Variants in CABLES1 observed in about 807,000 individuals in gnomAD.
CABLES1 encodes the protein Cdk5 and Abl enzyme substrate 1.
CABLES1 carries 36 observed loss-of-function variants against 57.8 expected under a neutral mutation model. The ratio of observed to expected loss-of-function variants is 0.62; its 90% CI spans 0.48 to 0.82. The LOEUF (loss-of-function observed/expected upper bound fraction) is 0.82, where lower values mean the gene tolerates loss of function less well. CABLES1 is among the 40% of genes least tolerant of loss of function. The probability of loss-of-function intolerance (pLI) is 0.00; values close to 1 mark genes in which losing one functional copy is unlikely to be tolerated. For synonymous variants in CABLES1, 374 were observed against 363.0 expected, an observed-to-expected ratio of 1.03 and a Z score of -0.35; for missense variants, 767 against 836.6, an observed-to-expected ratio of 0.92 and a Z score of 1.03.
chr18:23,219,703 T>C (rs1362098041), intron 4 of CABLES1, among the ~76,000 whole-genome samples: 1 of 152,132 alleles, frequency 6.6e-6, no homozygotes, highest in Admixed American at 6.5e-5. Context: ...ATCTATAAAA[T>C]GGGGATGTTT....
chr18:23,148,785 T>G (rs1375073891), intron 1 of CABLES1, among the ~76,000 whole-genome samples: 1 of 152,170 alleles, frequency 6.6e-6, no homozygotes, highest in African/African-American at 2.4e-5. Flanking sequence ...TTTAAGACGG[T>G]GAGTTTAATC....
At chr18:23,255,316 C>G (rs571093617) in intron 9 of CABLES1, among the ~76,000 whole-genome samples, 1 of 89,658 alleles carries the variant, frequency 1.1e-5, no homozygotes, top group South Asian at 3.4e-4. Flanking sequence ...TAAGTCAGTG[C>G]CCCCATATGT....
chr18:23,250,619 T>TGA (rs1568093099), intron 7 of CABLES1, among the ~76,000 whole-genome samples: 1 of 152,190 alleles, frequency 6.6e-6, no homozygotes. Flanking sequence ...ACCTTGGCAG[T>TGA]GAGAGCAGTG....
chr18:23,222,004 A>G (rs1028110055), intron 4 of CABLES1, among the ~76,000 whole-genome samples: 7 of 152,184 alleles, frequency 4.6e-5, no homozygotes, highest in Non-Finnish European at 8.8e-5. Context: ...TAAGGACAAG[A>G]CAGTGTCTAG....
At chr18:23,246,961 G>A (rs929490669) in intron 7 of CABLES1, among the ~76,000 whole-genome samples, 1 of 152,344 alleles carries the variant, frequency 6.6e-6, no homozygotes, top group Non-Finnish European at 1.5e-5. Flanking sequence ...CTAAAGTGCT[G>A]GGGTTACAGG....
At position 23,135,624 on chromosome 18, in the gene CABLES1, G is replaced by A. The variant is rs951238978; in HGVS notation, c.-139G>A. ...AGGGGCGAGCATGGCCCGCCCGCGG[G>A]GGGGCTGGACCGCCGCGCACGCCGC... On this transcript the variant is annotated 5_prime_UTR_variant, in exon 1 of 10. Transcript: ENST00000256925. 2.1e-5 allele frequency: 14 copies of A among 678,952 alleles called. No individual in the cohort carries two copies. Among genetic ancestry groups the A allele is most frequent in the African/African-American group, 7.9e-5 (4 of 50,888 alleles). 42.1% of individuals were successfully genotyped at this position (678,952 alleles called of 1,614,324 possible).
chr18:23,242,639 G>A (rs764258291), intron 7 of CABLES1, among the ~76,000 whole-genome samples: 1 of 152,198 alleles, frequency 6.6e-6, no homozygotes, highest in African/African-American at 2.4e-5. Flanking sequence ...TACCTGAATG[G>A]ATTTCTGGAT....
intron 9 of CABLES1, among the ~76,000 whole-genome samples, chr18:23,256,737 G>A (rs991224148): frequency 2.0e-5 from 3 of 152,102 alleles, no homozygotes; most frequent in Non-Finnish European, 4.4e-5. Context: ...CACCCACCTC[G>A]GCCTCCCAAG....
intron 4 of CABLES1, among the ~76,000 whole-genome samples, chr18:23,215,249 G>A (rs2047433244): frequency 6.6e-6 from 1 of 152,162 alleles, no homozygotes; most frequent in Non-Finnish European, 1.5e-5. Context: ...TGCCCAGAGA[G>A]ATGTTTTCGG....
intron 4 of CABLES1, among the ~76,000 whole-genome samples, chr18:23,228,142 A>G (rs2047541566): frequency 6.6e-6 from 1 of 152,144 alleles, no homozygotes; most frequent in Non-Finnish European, 1.5e-5. Flanking sequence ...TTCATTGATC[A>G]TGCTCCCTGA....
At chr18:23,236,309 T>C (rs1476623795) in intron 6 of CABLES1, among the ~76,000 whole-genome samples, 1 of 152,202 alleles carries the variant, frequency 6.6e-6, no homozygotes, top group African/African-American at 2.4e-5. Context: ...CATGTAGAGA[T>C]GGCTGTGTCT....
chr18:23,217,716 T>A (rs895825904), intron 4 of CABLES1, among the ~76,000 whole-genome samples: 1 of 152,254 alleles, frequency 6.6e-6, no homozygotes, highest in African/African-American at 2.4e-5. Context: ...TACGAATAAA[T>A]ATATACACAC....
At chr18:23,235,612 G>A (rs889441938) in intron 5 of CABLES1, among the ~76,000 whole-genome samples, 1 of 152,202 alleles carries the variant, frequency 6.6e-6, no homozygotes, top group Non-Finnish European at 1.5e-5. Flanking sequence ...CAGGTCCTGA[G>A]ATAGTACCTT....
At chr18:23,238,042 T>C (rs1454533522) in intron 7 of CABLES1, among the ~76,000 whole-genome samples, 3 of 151,466 alleles carry the variant, frequency 2.0e-5, no homozygotes, top group Non-Finnish European at 2.9e-5. Flanking sequence ...GCGTTTTGCA[T>C]GTCCTGGCCC....
In CABLES1 at chr18:23,147,979, CTTTTTTTTTTTTTT is replaced by C. The variant is rs10603023; in HGVS notation, c.845+11387_845+11400del. ...GTCTGCGTGCTGCCTGCTTGGCCTC[CTTTTTTTTTTTTTT>C]TTTTTTTTTTTTTTGAGACGGAGTC... On this transcript the variant is annotated intron_variant, in intron 1 of 9. Transcript: ENST00000256925. 2.2e-3 allele frequency among the ~76,000 whole-genome samples: 175 copies of C among 78,456 alleles called. 4 individuals carry two copies. In the East Asian group the frequency reaches 0.063, roughly 28 times the overall value. The allele number at this position is 78,456 out of a possible 152,430, so 51.5% of individuals were successfully genotyped here.
At chr18:23,138,444 A>T (rs1598793018) in intron 1 of CABLES1, among the ~76,000 whole-genome samples, 1 of 152,216 alleles carries the variant, frequency 6.6e-6, no homozygotes, top group Non-Finnish European at 1.5e-5. Context: ...AATAATCCGT[A>T]TCTGGCAACC....
rs1389728154 is a variant in CABLES1 at position 23,188,900 on chromosome 18, C to T, written c.908C>T (p.Pro303Leu). ...CTGGAAGATATTGAGGAGAACGCCC[C>T]TCTCCGGAGGTAATTTTCTGTTTCA... is the stretch of plus-strand genomic sequence containing the variant. Reference protein sequence around the residue: ...ETLEDIEENAPLRRCRTLSGS... With the variant: ...ETLEDIEENALLRRCRTLSGS... Residue 303 changes from proline to leucine, a missense_variant, in exon 2 of 10, where the codon CCT becomes CTT. Physicochemically the swap from Pro to Leu is moderately conservative, Grantham distance 98 (BLOSUM62 -3). Transcript: ENST00000256925. 1 of 1,611,154 alleles carries T rather than the reference C, an allele frequency of 6.2e-7. No individual in the cohort carries two copies. Among genetic ancestry groups the T allele is most frequent in the Admixed American group, 1.7e-5 (1 of 59,926 alleles).
At chr18:23,240,723 C>G (rs1224591443) in intron 7 of CABLES1, among the ~76,000 whole-genome samples, 2 of 152,220 alleles carry the variant, frequency 1.3e-5, no homozygotes, top group African/African-American at 4.8e-5. Context: ...TTCCTCGGGC[C>G]CCCAGGGCAG....
intron 1 of CABLES1, among the ~76,000 whole-genome samples, chr18:23,184,180 CAAA>C (rs560041919): frequency 6.6e-6 from 1 of 152,128 alleles, no homozygotes; most frequent in Non-Finnish European, 1.5e-5. Flanking sequence ...GTTCCATTCA[CAAA>C]GAAGGGAAGT....
Sources: allele counts gnomAD v4.1 joint callset (sites outside exome capture counted in the v4.1 genomes callset), GRCh38; gene constraint gnomAD v4.1.1; transcripts MANE v1.5; gene names NCBI Gene and HGNC (gene_info 2026-07-23, HGNC 2026-07-21).